NAA38: variants seen among roughly 807,000 people sequenced by gnomAD.
NAA38 encodes the protein N-alpha-acetyltransferase 38, NatC auxiliary subunit.
A neutral mutation model predicts 12.6 loss-of-function variants in NAA38; 15 were observed. That is an observed-to-expected ratio of 1.19 (90% CI 0.79 to 1.83). The LOEUF is 1.83. Among genes scored for constraint, NAA38 ranks in the 40% most tolerant of loss-of-function variants. The probability of loss-of-function intolerance (pLI) is 0.00; values close to 1 mark genes in which losing one functional copy is unlikely to be tolerated. For missense variants in NAA38, 183 were observed against 171.7 expected (o/e 1.07, Z -0.37); for synonymous variants, 88 against 69.9 (o/e 1.26, Z -1.29).
At chr17:7,882,658 C>T (rs1002600319) in intron 2 of NAA38, among the ~76,000 whole-genome samples, 2 of 151,302 alleles carry the variant, frequency 1.3e-5, no homozygotes, top group African/African-American at 2.4e-5. Flanking sequence ...ATGTGGGAAC[C>T]AAAGCAAGAG....
In NAA38 at chr17:7,857,371, GC is replaced by G. The variant is rs768951766; in HGVS notation, c.81+11del. On this transcript the variant is annotated intron_variant, in intron 1 of 2. Coordinates refer to ENST00000575771, the MANE Select transcript of NAA38 (RefSeq NM_001320925.4). ...ACTGCCCCTCAGTCCCAGAACCAGA[GC>G]CCGTGCTAACCCCAGCACTGGAGCT... 64 of 1,612,538 alleles carry G rather than the reference GC, an allele frequency of 4.0e-5. No individual in the cohort carries two copies. The highest frequency in any genetic ancestry group is 6.7e-5 in the African/African-American group (5 of 74,748).
intron 2 of NAA38, among the ~76,000 whole-genome samples, chr17:7,867,377 T>C (rs1567816431): frequency 1.3e-5 from 2 of 152,160 alleles, no homozygotes; most frequent in Admixed American, 6.5e-5. Flanking sequence ...TTGCTCTTGT[T>C]GCCCAGGCTG....
At chr17:7,866,437 T>C (rs1966984769) in intron 3 of NAA38, 1 of 1,226,832 alleles carries the variant, frequency 8.2e-7, no homozygotes, top group Non-Finnish European at 1.0e-6. Flanking sequence ...GTTCCCATGT[T>C]AAAAGTCTTC....
At chr17:7,860,476 G>A (rs1030530782), upstream of NAA38, 6 of 152,200 alleles carry the variant, frequency 3.9e-5, no homozygotes, top group East Asian at 9.6e-4. Flanking sequence ...TAAGTCCTTC[G>A]AAACTTTGGA....
At chr17:7,859,870 G>A (rs778171286), upstream of NAA38, 1 of 486,314 alleles carries the variant, frequency 2.1e-6, no homozygotes, top group African/African-American at 1.9e-5. Context: ...ATGTAGAAGA[G>A]GATAGTCAGA....
intron 3 of NAA38, chr17:7,863,647 A>G (rs1417170837): frequency 6.6e-6 from 1 of 152,184 alleles, no homozygotes; most frequent in African/African-American, 2.4e-5. Flanking sequence ...AACTGTTTCT[A>G]AATACTCTGT....
chr17:7,867,500 G>A (rs1470878838), intron 2 of NAA38, among the ~76,000 whole-genome samples: 1 of 151,924 alleles, frequency 6.6e-6, no homozygotes, highest in Non-Finnish European at 1.5e-5. Context: ...CACCACACCC[G>A]GCTAATTTTT....
At chr17:7,866,221 G>T in intron 3 of NAA38, 2 of 243,406 alleles carry the variant, frequency 8.2e-6, no homozygotes, top group Non-Finnish European at 1.6e-5. Context: ...CGAGTAGCTG[G>T]GACTACAGAT....
intron 2 of NAA38, among the ~76,000 whole-genome samples, chr17:7,879,661 T>C (rs1967236356): frequency 6.6e-6 from 1 of 152,154 alleles, no homozygotes; most frequent in Non-Finnish European, 1.5e-5. Context: ...AATATTCTCC[T>C]GTACCCATTA....
At chr17:7,878,567 C>CA (rs1324224544) in intron 2 of NAA38, among the ~76,000 whole-genome samples, 1 of 151,862 alleles carries the variant, frequency 6.6e-6, no homozygotes, top group East Asian at 1.9e-4. Flanking sequence ...GCTAGAAATC[C>CA]AAAAAATTAG....
Position 7,856,810 on chromosome 17 carries a change from C to A in NAA38, c.299G>T (p.Gly100Val), listed in dbSNP as rs1422414095. The A allele has an allele frequency of 6.2e-7, 1 of 1,613,826 alleles. No homozygotes were observed. The highest frequency in any genetic ancestry group is 8.5e-7 in the Non-Finnish European group (1 of 1,180,014). ...GTGGTGTCCGGGTACCATGGCCAGG[C>A]CCAGCACACGGGGCTCCCCGGCAGA... Reference protein sequence around the residue: ...SFSAGEPRVLGLAMVPGHHIV... With the variant: ...SFSAGEPRVLVLAMVPGHHIV... Residue 100 changes from glycine (G) to valine (V), a missense_variant, in exon 3 of 3, where the codon GGC becomes GTC. By Grantham distance (109) the Gly-to-Val change is moderately radical. Transcript: ENST00000575771.
rs765541522 is a variant in NAA38 at position 7,884,950 on chromosome 17, C to G, written c.-167+215G>C. Reference sequence around the variant, plus strand: ...ACGAGGACGATGAGGAGGACGACGACGAGGGAGTACTCGGGCGCGGGCCGG... The same window carrying G: ...ACGAGGACGATGAGGAGGACGACGAGGAGGGAGTACTCGGGCGCGGGCCGG... On this transcript the variant is annotated intron_variant, in intron 1 of 4. Transcript: ENST00000576861. 4 of 1,328,956 alleles carry G rather than the reference C, an allele frequency of 3.0e-6. No individual in the cohort carries two copies. The East Asian group carries it at 1.0e-4, about 35-fold the overall frequency. The allele number at this position is 1,328,956 out of a possible 1,614,324, so 82.3% of individuals were successfully genotyped here. A position where few individuals can be genotyped will look rare whatever the true frequency, so the allele number is the denominator to read the frequency against.
At chr17:7,872,153 A>G (rs557739854) in intron 2 of NAA38, among the ~76,000 whole-genome samples, 13 of 152,346 alleles carry the variant, frequency 8.5e-5, no homozygotes, top group African/African-American at 3.1e-4. Context: ...TTTCCTAGCT[A>G]GTCTTTTAAC....
At chr17:7,857,605 C>T (rs1567811849), upstream of NAA38, 7 of 1,373,224 alleles carry the variant, frequency 5.1e-6, no homozygotes, top group South Asian at 1.9e-5. Context: ...GGCAACGGCA[C>T]AGATCTCGCG....
intron 2 of NAA38, among the ~76,000 whole-genome samples, chr17:7,876,291 A>G (rs1264371010): frequency 6.6e-6 from 1 of 152,090 alleles, no homozygotes; most frequent in Non-Finnish European, 1.5e-5. Flanking sequence ...CTACTCTACC[A>G]TAACAACACT....
At chr17:7,877,803 C>T (rs545227329) in intron 2 of NAA38, among the ~76,000 whole-genome samples, 1 of 152,210 alleles carries the variant, frequency 6.6e-6, no homozygotes, top group African/African-American at 2.4e-5. Flanking sequence ...TATATGTGAC[C>T]ATCAGTTTCA....
intron 2 of NAA38, among the ~76,000 whole-genome samples, chr17:7,875,574 ATCC>A (rs1327566278): frequency 1.3e-5 from 2 of 152,126 alleles, no homozygotes; most frequent in African/African-American, 4.8e-5. Context: ...GCCTCAAGCG[ATCC>A]TCCTCTCTTG....
chr17:7,866,543 G>A (rs991058268), exon 3 of NAA38: 35 of 1,230,578 alleles, frequency 2.8e-5, no homozygotes, highest in Admixed American at 4.2e-5. Flanking sequence ...TGTCTCCCAC[G>A]TTGGCCTTTC....
chr17:7,883,405 A>G (rs535937730), intron 1 of NAA38: 1 of 152,320 alleles, frequency 6.6e-6, no homozygotes, highest in African/African-American at 2.4e-5. Flanking sequence ...TATCCTAAAA[A>G]TTTGTTGTTT....
Sources: allele counts gnomAD v4.1 joint callset (sites outside exome capture counted in the v4.1 genomes callset), GRCh38; gene constraint gnomAD v4.1.1; transcripts MANE v1.5; gene names NCBI Gene and HGNC (gene_info 2026-07-23, HGNC 2026-07-21).